The following DNAH14 variants were observed in gnomAD, a reference collection of about 807,000 sequenced individuals.
The protein encoded by DNAH14 is axonemal beta dynein heavy chain 14.
DNAH14 carries 478 observed loss-of-function variants against 520.9 expected under a neutral mutation model. The ratio of observed to expected loss-of-function variants is 0.92; its 90% CI spans 0.85 to 0.99. DNAH14 has a LOEUF of 0.99. Among genes scored for constraint, DNAH14 ranks in the 50% least tolerant of loss-of-function variants. The pLI is 0.00. For missense variants in DNAH14, 4,831 were observed against 5,234.5 expected (o/e 0.92, Z 2.38); for synonymous variants, 1,581 against 1,757.2 (o/e 0.90, Z 2.51).
At chr1:225,303,718 G>A (rs920735342) in intron 57 of DNAH14, among the ~76,000 whole-genome samples, 12 of 152,018 alleles carry the variant, frequency 7.9e-5, no homozygotes, top group African/African-American at 2.9e-4. Flanking sequence ...GCTACAAATA[G>A]CAAGTCAGCA....
At chr1:225,272,885 T>A (rs2093350411) in intron 51 of DNAH14, 70 bp from the exon 52 acceptor site, 2 of 1,399,878 alleles carry the variant, frequency 1.4e-6, no homozygotes, top group South Asian at 1.6e-5. Flanking sequence ...CCTGCAAAAA[T>A]TGAGCCTTCG....
intron 37 of DNAH14, among the ~76,000 whole-genome samples, chr1:225,187,296 A>T (rs529151709): frequency 1.2e-4 from 18 of 151,924 alleles, no homozygotes; most frequent in African/African-American, 4.3e-4. Flanking sequence ...CCCCTTTCTC[A>T]TTAAGAAATC....
At chr1:225,295,163 A>G (rs2093980812) in intron 55 of DNAH14, among the ~76,000 whole-genome samples, 1 of 151,964 alleles carries the variant, frequency 6.6e-6, no homozygotes, top group African/African-American at 2.4e-5. Flanking sequence ...TAGTTTGTCT[A>G]ACTAATAGTT....
intron 21 of DNAH14, among the ~76,000 whole-genome samples, chr1:225,094,087 A>C (rs1178914032): frequency 6.6e-6 from 1 of 152,224 alleles, no homozygotes; most frequent in Non-Finnish European, 1.5e-5. Flanking sequence ...TGCTGTTCTT[A>C]TCATGCTACC....
At chr1:225,255,118 T>C (rs2092691301) in intron 44 of DNAH14, among the ~76,000 whole-genome samples, 1 of 152,212 alleles carries the variant, frequency 6.6e-6, no homozygotes, top group Admixed American at 6.5e-5. Flanking sequence ...ATTCTCTTTC[T>C]TGTTATCATG....
At chr1:225,354,724 T>A (rs1394926517) in intron 73 of DNAH14, among the ~76,000 whole-genome samples, 1 of 152,098 alleles carries the variant, frequency 6.6e-6, no homozygotes, top group Non-Finnish European at 1.5e-5. Context: ...CTTATTGCCT[T>A]AAAAAAATCT....
chr1:224,987,772 G>A (rs899042211), intron 8 of DNAH14, among the ~76,000 whole-genome samples: 7 of 152,010 alleles, frequency 4.6e-5, no homozygotes, highest in African/African-American at 7.2e-5. Flanking sequence ...GATTACAGGC[G>A]CCCGCCACCA....
chr1:225,190,918 A>G (rs2085344741), intron 37 of DNAH14, among the ~76,000 whole-genome samples: 1 of 152,116 alleles, frequency 6.6e-6, no homozygotes, highest in South Asian at 2.1e-4. Flanking sequence ...AATCCAGTAG[A>G]ACTGATACCA....
chr1:225,144,893 TTGTG>T (rs71943763), intron 29 of DNAH14, among the ~76,000 whole-genome samples: 4 of 148,984 alleles, frequency 2.7e-5, no homozygotes, highest in Non-Finnish European at 4.5e-5. Flanking sequence ...ATTAATATCA[TTGTG>T]TGTGTGTGTG....
At chr1:225,271,033 G>C (rs1197244961) in intron 50 of DNAH14, among the ~76,000 whole-genome samples, 167 bp downstream of exon 50, 2 of 152,140 alleles carry the variant, frequency 1.3e-5, no homozygotes, top group Non-Finnish European at 2.9e-5. Context: ...CATATCAAAA[G>C]CATAAGTTAT....
At chr1:224,990,889 T>A (rs1466932092) in intron 8 of DNAH14, among the ~76,000 whole-genome samples, 8 of 152,116 alleles carry the variant, frequency 5.3e-5, no homozygotes, top group Non-Finnish European at 1.2e-4. Flanking sequence ...TCCATATGGC[T>A]GTACTAATTT....
chr1:225,215,538 G>C (rs1421001115), intron 41 of DNAH14, among the ~76,000 whole-genome samples: 1 of 151,700 alleles, frequency 6.6e-6, no homozygotes, highest in Non-Finnish European at 1.5e-5. Flanking sequence ...TTCTATGGGA[G>C]TCTAAGTCTC....
At chr1:225,021,592 T>C (rs1044513309) in intron 10 of DNAH14, among the ~76,000 whole-genome samples, 4 of 152,120 alleles carry the variant, frequency 2.6e-5, no homozygotes, top group African/African-American at 9.7e-5. Flanking sequence ...GTGATAGATA[T>C]GTACAATGAG....
intron 28 of DNAH14, among the ~76,000 whole-genome samples, chr1:225,142,843 T>G (rs2079574584): frequency 6.6e-6 from 1 of 152,128 alleles, no homozygotes; most frequent in Non-Finnish European, 1.5e-5. Flanking sequence ...GGAGAATCAC[T>G]TGAACCCAGG....
intron 10 of DNAH14, among the ~76,000 whole-genome samples, chr1:225,013,778 C>T (rs1223643093): frequency 6.6e-6 from 1 of 152,124 alleles, no homozygotes; most frequent in Non-Finnish European, 1.5e-5. Flanking sequence ...CCTACTCAAG[C>T]CTCAGTAATG....
At chr1:225,150,199 T>A (rs1172218431) in intron 31 of DNAH14, among the ~76,000 whole-genome samples, 1 of 152,234 alleles carries the variant, frequency 6.6e-6, no homozygotes, top group Non-Finnish European at 1.5e-5. Flanking sequence ...AATATATTTA[T>A]TGATTTGCAT....
At chr1:225,325,410 G>A (rs930794303) in intron 64 of DNAH14, among the ~76,000 whole-genome samples, 5 of 151,562 alleles carry the variant, frequency 3.3e-5, no homozygotes, top group Admixed American at 6.6e-5. Flanking sequence ...TCTTGAACCC[G>A]GGAGAAGGAG....
chr1:225,140,790 A>T lies in DNAH14; in HGVS notation c.4277A>T (p.Asp1426Val). The stretch of plus-strand genomic sequence containing the variant: ...CAGAGCCAGATCATGTTTTATAATG[A>T]TTGTGTTAAAAGTTTTGTGAGTTCT... The part of the protein sequence containing the change: ...LTVSQIMFYN[D>V]CVKSFVSSYS... Residue 1426 changes from aspartate to valine, a missense_variant, in exon 28 of 86, where the codon GAT (aspartate) becomes GTT (valine). Transcript: ENST00000682510. 1.9e-6 allele frequency: 3 copies of T among 1,543,782 alleles called. No homozygotes were observed. Among genetic ancestry groups the T allele is most frequent in the Non-Finnish European group, 2.6e-6 (3 of 1,141,172 alleles).
rs755747460 is a variant in DNAH14, at chr1:225,265,301, AAGG to A, written c.7345_7347del (p.Glu2449del). 1.6e-5 allele frequency: 24 copies of A among 1,545,450 alleles called. 1 individual carries two copies. The highest frequency in any genetic ancestry group is 1.9e-5 in the Non-Finnish European group (22 of 1,145,308). ...CACCAATGTAACAGCTGCCAAAACC[AAGG>A]AGATGATTCTTAAGAAGTTAATAAG... is the stretch of plus-strand genomic sequence containing the variant. On this transcript the variant is annotated inframe_deletion, in exon 48 of 86. Transcript: ENST00000682510.
Sources: allele counts gnomAD v4.1 joint callset (sites outside exome capture counted in the v4.1 genomes callset), GRCh38; gene constraint gnomAD v4.1.1; transcripts MANE v1.5; gene names NCBI Gene and HGNC (gene_info 2026-07-23, HGNC 2026-07-21).